DLGAP2: variants seen among roughly 807,000 people sequenced by gnomAD.
DLGAP2 encodes disks large-associated protein 2.
Under a neutral mutation model 100.3 loss-of-function variants are expected in DLGAP2, and 26 were observed. That is an observed-to-expected ratio of 0.26 (90% confidence interval 0.19 to 0.36). The LOEUF is 0.36. DLGAP2 is among the 10% of genes least tolerant of loss of function. The pLI is 1.00. For missense variants in DLGAP2, 1,858 were observed against 1,453.2 expected, an observed-to-expected ratio of 1.28 and a Z score of -4.53; for synonymous variants, 886 against 630.1, an observed-to-expected ratio of 1.41 and a Z score of -6.08.
intron 10 of DLGAP2, among the ~76,000 whole-genome samples, chr8:1,671,541 G>A (rs1798690890): frequency 6.6e-6 from 1 of 152,212 alleles, no homozygotes; most frequent in South Asian, 2.1e-4. Flanking sequence ...GGGGTGGGGG[G>A]TCCTGTCCCA....
chr8:1,117,855 G>T (rs1029614886), intron 2 of DLGAP2, among the ~76,000 whole-genome samples: 1 of 152,128 alleles, frequency 6.6e-6, no homozygotes, highest in African/African-American at 2.4e-5. Flanking sequence ...CTGGTTCACA[G>T]TTAGGCTTTT....
chr8:801,334 C>T (rs1349929752), intron 1 of DLGAP2, among the ~76,000 whole-genome samples: 1 of 152,094 alleles, frequency 6.6e-6, no homozygotes, highest in African/African-American at 2.4e-5. Flanking sequence ...ACCTTAGGGC[C>T]TTGGATTCAG....
At chr8:1,099,018 C>A in intron 2 of DLGAP2, among the ~76,000 whole-genome samples, 1 of 152,174 alleles carries the variant, frequency 6.6e-6, no homozygotes, top group Non-Finnish European at 1.5e-5. Context: ...CATTTCATGG[C>A]TCACTCCTCT....
intron 4 of DLGAP2, among the ~76,000 whole-genome samples, chr8:1,540,316 C>A (rs1315882383): frequency 6.6e-6 from 1 of 152,204 alleles, no homozygotes; most frequent in Non-Finnish European, 1.5e-5. Context: ...GCCGGTACCA[C>A]CACCCAACTG....
At chr8:1,234,273 G>C (rs563119546) in intron 2 of DLGAP2, among the ~76,000 whole-genome samples, 30 of 152,122 alleles carry the variant, frequency 2.0e-4, no homozygotes, top group African/African-American at 6.8e-4. Flanking sequence ...ACGTCTCACC[G>C]CTCTGGAGGC....
rs1430229979 is a variant in DLGAP2 at position 1,703,853 on chromosome 8, A to G, written c.*2447A>G. 1 of 152,606 alleles carries G rather than the reference A, an allele frequency of 6.6e-6. No individual in the cohort carries two copies. The highest frequency in any genetic ancestry group is 6.6e-5 in the Admixed American group (1 of 15,256). The allele number at this position is 152,606 out of a possible 1,614,324, so 9.5% of individuals were successfully genotyped here. On this transcript the variant is annotated 3_prime_UTR_variant, in exon 15 of 15. Coordinates refer to ENST00000637795, the MANE Select transcript of DLGAP2 (RefSeq NM_001346810.2). ...CCCTAGGGGAGCAGATTAACCTACCACTACATTGCACAGGGTTGGTGACTC... is the reference window on the plus strand; with the variant it reads ...CCCTAGGGGAGCAGATTAACCTACCGCTACATTGCACAGGGTTGGTGACTC...
At chr8:1,553,434 G>A (rs1238146639) in intron 5 of DLGAP2, among the ~76,000 whole-genome samples, 2 of 152,158 alleles carry the variant, frequency 1.3e-5, no homozygotes, top group Non-Finnish European at 2.9e-5. Context: ...TTCACGGGCA[G>A]CAGCCCTGTT....
intron 8 of DLGAP2, among the ~76,000 whole-genome samples, chr8:1,659,643 TA>T (rs1798365023): frequency 6.6e-6 from 1 of 152,228 alleles, no homozygotes; most frequent in African/African-American, 2.4e-5. Context: ...AAGTCTGTTT[TA>T]TCAGAGAGTA....
chr8:1,654,553 C>A (rs1798239512), intron 8 of DLGAP2, among the ~76,000 whole-genome samples: 1 of 150,602 alleles, frequency 6.6e-6, no homozygotes. Context: ...CCCAGCTACT[C>A]GGGAGACTGA....
chr8:1,309,561 C>T (rs1203377478), intron 3 of DLGAP2, among the ~76,000 whole-genome samples: 1 of 152,182 alleles, frequency 6.6e-6, no homozygotes, highest in Non-Finnish European at 1.5e-5. Flanking sequence ...GAACTTGAGA[C>T]TTGCTCTACA....
rs571205091 is a variant in DLGAP2 at position 1,568,942 on chromosome 8, G to T, written c.1442+3048G>T. Among the ~76,000 whole-genome samples the T allele has an allele frequency of 1.2e-4, 13 of 109,284 alleles. 2 individuals are homozygous for T. The highest frequency in any genetic ancestry group is 4.5e-4 in the African/African-American group (12 of 26,396). The allele number at this position is 109,284 out of a possible 152,430, so 71.7% of individuals were successfully genotyped here. A position where few individuals can be genotyped will look rare whatever the true frequency, so the allele number is the denominator to read the frequency against. On this transcript the variant is annotated intron_variant, in intron 6 of 14. Coordinates refer to ENST00000637795, the MANE Select transcript of DLGAP2 (RefSeq NM_001346810.2). ...CAGCAGACACAAATCCACTCTGCCC[G>T]TGGCCTCCATGCCACTGTCCACTCA...
At chr8:1,547,596 C>T (rs994136728) in intron 4 of DLGAP2, among the ~76,000 whole-genome samples, 1 of 152,120 alleles carries the variant, frequency 6.6e-6, no homozygotes, top group African/African-American at 2.4e-5. Flanking sequence ...GGCAGATCCT[C>T]CTTCTCTGCA....
intron 1 of DLGAP2, among the ~76,000 whole-genome samples, chr8:776,678 C>G (rs1821527499): frequency 6.6e-6 from 1 of 152,182 alleles, no homozygotes; most frequent in African/African-American, 2.4e-5. Flanking sequence ...GATTCTTAAT[C>G]CTGACTTCTA....
At chr8:1,269,834 A>C (rs1222023556) in intron 3 of DLGAP2, among the ~76,000 whole-genome samples, 1 of 152,136 alleles carries the variant, frequency 6.6e-6, no homozygotes, top group Non-Finnish European at 1.5e-5. Flanking sequence ...CCGTGGTGTA[A>C]TGGGCGCGCC....
chr8:1,038,139 A>C (rs960890930), intron 2 of DLGAP2, among the ~76,000 whole-genome samples: 27 of 152,140 alleles, frequency 1.8e-4, no homozygotes, highest in African/African-American at 6.5e-4. Context: ...GTCCCTCTGG[A>C]GTCGCTACCT....
At chr8:1,547,720 G>C (rs942759516) in intron 4 of DLGAP2, among the ~76,000 whole-genome samples, 1 of 152,112 alleles carries the variant, frequency 6.6e-6, no homozygotes, top group Admixed American at 6.5e-5. Context: ...CCACAGCCTC[G>C]CTCCTCCAGG....
chr8:928,811 G>A (rs1253874205), intron 2 of DLGAP2, among the ~76,000 whole-genome samples: 1 of 152,024 alleles, frequency 6.6e-6, no homozygotes, highest in South Asian at 2.1e-4. Flanking sequence ...ATTTTCTGTT[G>A]CGAAGCCTGA....
intron 2 of DLGAP2, among the ~76,000 whole-genome samples, chr8:1,096,941 G>A (rs1804393737): frequency 1.4e-5 from 2 of 142,616 alleles, no homozygotes; most frequent in African/African-American, 5.3e-5. Flanking sequence ...GGAGCCCGGG[G>A]CAGGCCTTCA....
At chr8:1,525,359 A>G (rs60506896) in intron 4 of DLGAP2, among the ~76,000 whole-genome samples, 4,192 of 151,926 alleles carry the variant, frequency 0.028, 203 homozygotes, top group African/African-American at 0.095. Context: ...TTTTAGTTGG[A>G]TTTTTCTGAA....
Sources: allele counts gnomAD v4.1 joint callset (sites outside exome capture counted in the v4.1 genomes callset), GRCh38; gene constraint gnomAD v4.1.1; transcripts MANE v1.5; gene names NCBI Gene and HGNC (gene_info 2026-07-23, HGNC 2026-07-21).